Variants in KCNJ6 observed in about 807,000 individuals in gnomAD.
KCNJ6 encodes G protein-activated inward rectifier potassium channel 2.
KCNJ6 carries 9 observed loss-of-function variants against 34.2 expected under a neutral mutation model. The ratio of observed to expected loss-of-function variants is 0.26; its 90% CI spans 0.16 to 0.46. The LOEUF is 0.46. KCNJ6 is among the 20% of genes least tolerant of loss of function. KCNJ6 has a pLI of 1.00. For synonymous variants in KCNJ6, 196 were observed against 207.1 expected, an observed-to-expected ratio of 0.95 and a Z score of 0.46; for missense variants, 236 against 531.3, an observed-to-expected ratio of 0.44 and a Z score of 5.46.
chr21:37,725,816 C>G (rs1439621935), intron 2 of KCNJ6, among the ~76,000 whole-genome samples: 1 of 152,216 alleles, frequency 6.6e-6, no homozygotes, highest in East Asian at 1.9e-4. Flanking sequence ...AATGGAATAC[C>G]ATGCAGTCAT....
chr21:37,662,675 G>A (rs960442428), intron 3 of KCNJ6, among the ~76,000 whole-genome samples: 4 of 152,152 alleles, frequency 2.6e-5, no homozygotes, highest in Non-Finnish European at 5.9e-5. Flanking sequence ...GGTCTTTGAG[G>A]AATCGTCAGA....
At chr21:37,871,914 G>T (rs1003481639) in intron 1 of KCNJ6, among the ~76,000 whole-genome samples, 2 of 152,210 alleles carry the variant, frequency 1.3e-5, no homozygotes, top group African/African-American at 4.8e-5. Context: ...GTTTTGATGG[G>T]TTTAGAATAA....
intron 2 of KCNJ6, among the ~76,000 whole-genome samples, chr21:37,753,150 G>A (rs796296672): frequency 9.8e-5 from 15 of 152,322 alleles, no homozygotes; most frequent in East Asian, 1.9e-4. Flanking sequence ...TGCCTGCAGC[G>A]TGTGCAGCTG....
intron 2 of KCNJ6, among the ~76,000 whole-genome samples, chr21:37,810,159 T>C (rs574674961): frequency 6.6e-6 from 1 of 152,306 alleles, no homozygotes; most frequent in African/African-American, 2.4e-5. Flanking sequence ...ACAAAATTTT[T>C]TCAAGTAGGA....
chr21:37,824,029 C>G (rs987575091), intron 2 of KCNJ6, among the ~76,000 whole-genome samples: 3 of 6,278 alleles, frequency 4.8e-4, no homozygotes, highest in African/African-American at 2.0e-3. Flanking sequence ...TTTCACAATG[C>G]GTACATATAT....
chr21:37,677,366 T>G (rs1282600224), intron 3 of KCNJ6, among the ~76,000 whole-genome samples: 1 of 152,168 alleles, frequency 6.6e-6, no homozygotes, highest in Non-Finnish European at 1.5e-5. Flanking sequence ...GCCAAAAGAA[T>G]TTATTTTCAG....
intron 2 of KCNJ6, among the ~76,000 whole-genome samples, chr21:37,802,448 G>A (rs1412572650): frequency 3.3e-5 from 5 of 151,072 alleles, no homozygotes; most frequent in Non-Finnish European, 1.5e-5. Flanking sequence ...CCTTATAAGG[G>A]TAGGGCGGGA....
chr21:37,746,218 A>G (rs561925073), intron 2 of KCNJ6, among the ~76,000 whole-genome samples: 9 of 152,322 alleles, frequency 5.9e-5, no homozygotes, highest in African/African-American at 2.2e-4. Context: ...TCCATAGCAG[A>G]TGGGAATGGG....
chr21:37,912,295 T>C (rs1204202093), intron 1 of KCNJ6, among the ~76,000 whole-genome samples: 1 of 152,226 alleles, frequency 6.6e-6, no homozygotes, highest in Non-Finnish European at 1.5e-5. Context: ...GACACTTTGT[T>C]AATCAATTAG....
intron 3 of KCNJ6, among the ~76,000 whole-genome samples, chr21:37,667,814 C>T (rs2054523609): frequency 6.6e-6 from 1 of 152,046 alleles, no homozygotes; most frequent in East Asian, 1.9e-4. Flanking sequence ...TCCCGGGGGA[C>T]AAAACTTGCC....
Position 37,675,658 on chromosome 21 carries a change from G to A in KCNJ6, c.946+38553C>T, listed in dbSNP as rs1280273500. ...CATAAAAGGGCTGACCTCCTGATTC[G>A]GACTCCGCAGGTAGTCACTAGGGGC... On this transcript the variant is annotated intron_variant, in intron 3 of 3. Coordinates refer to ENST00000609713, the MANE Select transcript of KCNJ6 (RefSeq NM_002240.5). The surrounding 1 kb of genome is among the most constrained non-coding windows in gnomAD (Gnocchi z 4.2). 6.6e-6 allele frequency among the ~76,000 whole-genome samples: 1 copy of A among 152,250 alleles called. No homozygotes were observed. The highest frequency in any genetic ancestry group is 1.5e-5 in the Non-Finnish European group (1 of 68,046).
intron 3 of KCNJ6, among the ~76,000 whole-genome samples, chr21:37,670,451 G>T (rs2054536203): frequency 6.6e-6 from 1 of 152,148 alleles, no homozygotes; most frequent in Non-Finnish European, 1.5e-5. Flanking sequence ...ATCACTTTGG[G>T]TAGTACTGCC....
chr21:37,859,816 C>T (rs553777632), intron 1 of KCNJ6, among the ~76,000 whole-genome samples: 11 of 152,164 alleles, frequency 7.2e-5, no homozygotes, highest in African/African-American at 2.7e-4. Flanking sequence ...TTATAAAGTA[C>T]TGGGGCTTTG....
At chr21:37,774,140 G>A (rs1225093704) in intron 2 of KCNJ6, among the ~76,000 whole-genome samples, 1 of 152,152 alleles carries the variant, frequency 6.6e-6, no homozygotes, top group Non-Finnish European at 1.5e-5. Context: ...ACAGGTAAGA[G>A]TGAGGGTTCT....
chr21:37,810,654 A>G (rs117521552), intron 2 of KCNJ6, among the ~76,000 whole-genome samples: 3,515 of 152,246 alleles, frequency 0.023, 109 homozygotes, highest in Admixed American at 0.081. Flanking sequence ...CGTTATTTTC[A>G]TGTGTCTATT....
intron 2 of KCNJ6, among the ~76,000 whole-genome samples, chr21:37,735,680 A>G (rs1404430981): frequency 6.6e-6 from 1 of 152,120 alleles, no homozygotes; most frequent in Admixed American, 6.5e-5. Context: ...AAAGCCTGTG[A>G]CTTTGCTTGG....
At chr21:37,663,308 TATAATAAAAATTCTGG>T (rs1244240291) in intron 3 of KCNJ6, among the ~76,000 whole-genome samples, 1 of 152,158 alleles carries the variant, frequency 6.6e-6, no homozygotes. Flanking sequence ...TATTTAAGCT[TATAATAAAAATTCTGG>T]ATGTCAAATT....
At chr21:37,911,738 G>A (rs1208009937) in intron 1 of KCNJ6, among the ~76,000 whole-genome samples, 1 of 152,112 alleles carries the variant, frequency 6.6e-6, no homozygotes, top group Non-Finnish European at 1.5e-5. Flanking sequence ...AAAGAGAAGA[G>A]CTTCACCTTA....
chr21:37,610,740 T>C lies in KCNJ6; in HGVS notation c.*14419A>G, dbSNP rs2091870185. The C allele has an allele frequency of 6.7e-6, 1 of 150,330 alleles. No individual in the cohort carries two copies. Among genetic ancestry groups the C allele is most frequent in the Non-Finnish European group, 1.5e-5 (1 of 67,822 alleles). 9.3% of individuals were successfully genotyped at this position (150,330 alleles called of 1,614,324 possible). On this transcript the variant is annotated 3_prime_UTR_variant, in exon 4 of 4. Coordinates refer to ENST00000609713, the MANE Select transcript of KCNJ6 (RefSeq NM_002240.5). ...GGAGATTAAACAACACACGTGTAAA[T>C]ATCATGGGTCAAAGAAGAAATCTCA... is the stretch of plus-strand genomic sequence containing the variant.
Sources: allele counts gnomAD v4.1 joint callset (sites outside exome capture counted in the v4.1 genomes callset), GRCh38; gene constraint gnomAD v4.1.1; non-coding constraint Gnocchi (gnomAD v3.1); transcripts MANE v1.5; gene names NCBI Gene and HGNC (gene_info 2026-07-23, HGNC 2026-07-21).